ACYP2: variants seen among roughly 807,000 people sequenced by gnomAD.
The protein encoded by ACYP2 is acylphosphatase-2.
In ACYP2, 12 loss-of-function variants were observed where a neutral mutation model predicts 11.2. The observed-to-expected ratio is 1.08, with a 90% CI of 0.69 to 1.74. The LOEUF (loss-of-function observed/expected upper bound fraction) is 1.74, where lower values mean the gene tolerates loss of function less well. Among genes scored for constraint, ACYP2 ranks in the 40% most tolerant of loss-of-function variants. The pLI, the probability that ACYP2 is intolerant of heterozygous loss-of-function variation, is 0.00. For synonymous variants in ACYP2, 43 were observed against 32.2 expected, an observed-to-expected ratio of 1.33 and a Z score of -1.13; for missense variants, 134 against 101.9, an observed-to-expected ratio of 1.31 and a Z score of -1.35.
chr2:54,173,292 A>G (rs1196137659), intron 6 of ACYP2, among the ~76,000 whole-genome samples: 2 of 152,138 alleles, frequency 1.3e-5, no homozygotes, highest in Non-Finnish European at 1.5e-5. Flanking sequence ...TTCTCTGATG[A>G]CCAGTGATGA....
intron 4 of ACYP2, among the ~76,000 whole-genome samples, chr2:54,091,726 G>A (rs1419394740): frequency 6.6e-6 from 1 of 151,960 alleles, no homozygotes; most frequent in Non-Finnish European, 1.5e-5. Context: ...TGGTCGGGCT[G>A]GTCTCGAACT....
At chr2:54,039,819 TTGTG>T (rs751604890) in intron 2 of ACYP2, among the ~76,000 whole-genome samples, 4,961 of 126,606 alleles carry the variant, frequency 0.039, 125 homozygotes, top group African/African-American at 0.079. Context: ...TTGTTTTCTT[TTGTG>T]TGTGTGTGTG....
Position 54,125,947 on chromosome 2 carries a change from G to T in ACYP2, c.278-9506G>T, listed in dbSNP as rs950206525. ...AATACAAAAATTAGCTGGGCATGGT[G>T]GTGCACGCCTATAATCCCAGCTACT... On this transcript the variant is annotated intron_variant, in intron 4 of 6. Coordinates refer to ENST00000607452, the MANE Select transcript of ACYP2 (RefSeq NM_001320586.2). 2.6e-5 allele frequency among the ~76,000 whole-genome samples: 4 copies of T among 151,386 alleles called. No homozygotes were observed. In the South Asian group the frequency reaches 8.4e-4, roughly 32 times the overall value.
intron 2 of ACYP2, among the ~76,000 whole-genome samples, chr2:54,002,706 C>T (rs1000742754): frequency 2.0e-5 from 3 of 150,474 alleles, no homozygotes; most frequent in South Asian, 4.2e-4. Context: ...GGCTGGAGTG[C>T]AATGGTGCGA....
At chr2:54,170,580 TA>T (rs1474698705) in intron 6 of ACYP2, among the ~76,000 whole-genome samples, 274 of 63,558 alleles carry the variant, frequency 4.3e-3, no homozygotes, top group African/African-American at 0.017. Flanking sequence ...TTTTTTTTTT[TA>T]AAATCACAGA....
intron 3 of ACYP2, among the ~76,000 whole-genome samples, chr2:54,051,984 T>A (rs1053135940): frequency 6.6e-6 from 1 of 151,744 alleles, no homozygotes; most frequent in African/African-American, 2.4e-5. Context: ...GAGGCAGAGG[T>A]TGCAATGAGC....
chr2:54,021,159 C>T (rs553935570), intron 2 of ACYP2, among the ~76,000 whole-genome samples: 1 of 152,088 alleles, frequency 6.6e-6, no homozygotes, highest in African/African-American at 2.4e-5. Flanking sequence ...AGCAGGCATA[C>T]GAGCCGGAGT....
intron 2 of ACYP2, among the ~76,000 whole-genome samples, chr2:54,011,887 G>A (rs1332871672): frequency 1.3e-5 from 2 of 152,030 alleles, no homozygotes; most frequent in Admixed American, 6.6e-5. Context: ...CTTTTAGGTT[G>A]TCTACCTTGG....
intron 6 of ACYP2, among the ~76,000 whole-genome samples, chr2:54,165,512 TTCACTCTCTCTC>T (rs1353473551): frequency 1.5e-5 from 1 of 67,048 alleles, no homozygotes. Flanking sequence ...CTCTCTCTCT[TTCACTCTCTCTC>T]TCTCTCTCTC....
chr2:54,256,378 G>T, intron 6 of ACYP2: 1 of 544,960 alleles, frequency 1.8e-6, no homozygotes, highest in East Asian at 3.2e-5. Context: ...GATGAGTAAT[G>T]ATATTACATG....
At chr2:54,174,206 G>T (rs1429804861) in intron 6 of ACYP2, among the ~76,000 whole-genome samples, 3 of 152,070 alleles carry the variant, frequency 2.0e-5, no homozygotes, top group African/African-American at 2.4e-5. Context: ...CTTTTATTTT[G>T]TTGAGCAGTG....
At chr2:54,055,082 G>C (rs757033842) in intron 3 of ACYP2, among the ~76,000 whole-genome samples, 5 of 152,112 alleles carry the variant, frequency 3.3e-5, no homozygotes, top group East Asian at 1.9e-4. Context: ...TGTCAACCGG[G>C]CTAGAGTGCA....
At chr2:54,237,635 C>A (rs1572975182) in intron 6 of ACYP2, among the ~76,000 whole-genome samples, 1 of 152,282 alleles carries the variant, frequency 6.6e-6, no homozygotes, top group East Asian at 1.9e-4. Flanking sequence ...CAGTCTGATA[C>A]TTGCACCTTT....
At chr2:54,179,737 C>T (rs560996468) in intron 6 of ACYP2, among the ~76,000 whole-genome samples, 10 of 152,292 alleles carry the variant, frequency 6.6e-5, no homozygotes, top group South Asian at 2.1e-4. Flanking sequence ...GGCTTCTTGA[C>T]TGCAGCCTGT....
chr2:54,009,303 A>C (rs943847155), intron 2 of ACYP2, among the ~76,000 whole-genome samples: 8 of 152,078 alleles, frequency 5.3e-5, no homozygotes, highest in African/African-American at 1.9e-4. Context: ...TCACACCTGT[A>C]ATCCCAGCGC....
At chr2:54,004,404 CTTTTTTTTTT>C (rs1168703943) in intron 2 of ACYP2, among the ~76,000 whole-genome samples, 6 of 92,054 alleles carry the variant, frequency 6.5e-5, no homozygotes, top group Non-Finnish European at 5.8e-5. Context: ...GTAGTTTAGC[CTTTTTTTTTT>C]TTTTTTTTTT....
At chr2:54,083,163 G>A (rs775582063) in intron 4 of ACYP2, among the ~76,000 whole-genome samples, 8 of 152,086 alleles carry the variant, frequency 5.3e-5, no homozygotes, top group Non-Finnish European at 8.8e-5. Flanking sequence ...TCATGGCAAC[G>A]GCTGCCCATG....
At chr2:54,290,433 G>A (rs975246785) in intron 6 of ACYP2, among the ~76,000 whole-genome samples, 1 of 151,992 alleles carries the variant, frequency 6.6e-6, no homozygotes, top group Non-Finnish European at 1.5e-5. Context: ...TCAGCAAGCC[G>A]GGAAAATACA....
At chr2:54,275,805 G>C (rs571259623) in intron 6 of ACYP2, among the ~76,000 whole-genome samples, 1 of 152,260 alleles carries the variant, frequency 6.6e-6, no homozygotes, top group African/African-American at 2.4e-5. Flanking sequence ...TCCAAGCCCT[G>C]CTTGATTTGC....
Sources: gnomAD v4.1 joint callset for allele counts (sites outside exome capture counted in the v4.1 genomes callset) on GRCh38, gnomAD v4.1.1 for gene constraint, MANE v1.5 for transcripts, NCBI Gene and HGNC (gene_info 2026-07-23, HGNC 2026-07-21) for gene names.